TIMP2: variants seen among roughly 807,000 people sequenced by gnomAD.
TIMP2 encodes TIMP metallopeptidase inhibitor 2.
Under a neutral mutation model 24.3 loss-of-function variants are expected in TIMP2, and 5 were observed. The ratio of observed to expected loss-of-function variants is 0.21; its 90% CI spans 0.11 to 0.43. The LOEUF is 0.43. Among genes scored for constraint, TIMP2 ranks in the 20% least tolerant of loss-of-function variants. TIMP2 has a pLI of 1.00. For synonymous variants in TIMP2, 130 were observed against 123.2 expected, an observed-to-expected ratio of 1.06 and a Z score of -0.37; for missense variants, 221 against 297.5, an observed-to-expected ratio of 0.74 and a Z score of 1.89.
intron 1 of TIMP2, among the ~76,000 whole-genome samples, chr17:78,883,167 G>A (rs1251175019): frequency 1.3e-5 from 2 of 152,222 alleles, no homozygotes; most frequent in Non-Finnish European, 2.9e-5. Context: ...CAGCAACGGG[G>A]CCTTCTGGGA....
chr17:78,867,635 G>A (rs571947408), intron 3 of TIMP2, among the ~76,000 whole-genome samples: 197 of 135,158 alleles, frequency 1.5e-3, no homozygotes, highest in African/African-American at 2.1e-3. Flanking sequence ...TCACTCTGTC[G>A]CCCAGACTGG....
chr17:78,860,846 G>A (rs2069561893), intron 3 of TIMP2, among the ~76,000 whole-genome samples: 1 of 152,054 alleles, frequency 6.6e-6, no homozygotes, highest in Non-Finnish European at 1.5e-5. Flanking sequence ...GACCAACCTG[G>A]CCAACACGGT....
Position 78,892,558 on chromosome 17 carries a change from G to C in TIMP2, c.131-18639C>G, listed in dbSNP as rs558400164. On this transcript the variant is annotated intron_variant, in intron 1 of 4. Transcript: ENST00000262768. ...ACACGGGATTCTCACTGTGAGGACA[G>C]GCTGCAAAATGTGCCCCTCCAAGCT... The C allele has an allele frequency of 9.6e-6, 14 of 1,457,112 alleles. No homozygotes were observed. The South Asian group carries it at 2.0e-4, about 21-fold the overall frequency. The allele number at this position is 1,457,112 out of a possible 1,614,324, so 90.3% of individuals were successfully genotyped here.
chr17:78,862,461 C>A (rs576762670), intron 3 of TIMP2, among the ~76,000 whole-genome samples: 2 of 152,206 alleles, frequency 1.3e-5, no homozygotes, highest in Non-Finnish European at 2.9e-5. Context: ...AACAGCTTCA[C>A]CCCTGCTCCC....
intron 1 of TIMP2, among the ~76,000 whole-genome samples, chr17:78,906,978 T>G (rs1420185998): frequency 6.6e-6 from 1 of 152,228 alleles, no homozygotes; most frequent in Non-Finnish European, 1.5e-5. Context: ...ACAAAAGGCC[T>G]AGCTGTCAGC....
At position 78,870,809 on chromosome 17, in the gene TIMP2, C is replaced by G. The variant is rs893881728; in HGVS notation, c.340+89G>C. On this transcript the variant is annotated intron_variant, in intron 3 of 4. Transcript: ENST00000262768. Reference sequence around the variant, plus strand: ...CCTCAGCTACTCCGCCTCCCCACCCCCCGAGCCTGGGAAACGAGCCCTGGA... The same window carrying G: ...CCTCAGCTACTCCGCCTCCCCACCCGCCGAGCCTGGGAAACGAGCCCTGGA... 14 of 1,160,002 alleles carry G rather than the reference C, an allele frequency of 1.2e-5. No homozygotes were observed. In the East Asian group the frequency reaches 2.2e-4, roughly 19 times the overall value. 71.9% of individuals were successfully genotyped at this position (1,160,002 alleles called of 1,614,324 possible).
intron 1 of TIMP2, among the ~76,000 whole-genome samples, chr17:78,879,428 A>G (rs888373889): frequency 6.6e-6 from 1 of 152,142 alleles, no homozygotes; most frequent in East Asian, 1.9e-4. Flanking sequence ...AGACATAAGG[A>G]ATCTGGGAAG....
At chr17:78,872,491 TC>T (rs1443970678) in intron 2 of TIMP2, among the ~76,000 whole-genome samples, 1 of 151,994 alleles carries the variant, frequency 6.6e-6, no homozygotes, top group African/African-American at 2.4e-5. Context: ...GCTGTTTTTT[TC>T]CCCCCGAAGA....
rs183447598 is a variant in TIMP2 at position 78,875,168 on chromosome 17, G to A, written c.131-1249C>T. Reference sequence around the variant, plus strand: ...GCTGAGATTACAGGCGTGAGCCACTGCGCCCAGCCTGGGTGATTCTTTACA... The same window carrying A: ...GCTGAGATTACAGGCGTGAGCCACTACGCCCAGCCTGGGTGATTCTTTACA... On this transcript the variant is annotated intron_variant, in intron 1 of 4. Coordinates refer to ENST00000262768, the MANE Select transcript of TIMP2 (RefSeq NM_003255.5). Among the ~76,000 whole-genome samples, 62 of 152,300 alleles carry A rather than the reference G, an allele frequency of 4.1e-4. No individual in the cohort carries two copies. The East Asian group carries it at 9.3e-3, about 23-fold the overall frequency.
In TIMP2 at chr17:78,920,370, AT is replaced by A. The variant is rs1259916568; in HGVS notation, c.130+4588del. On this transcript the variant is annotated intron_variant, in intron 1 of 4. Coordinates refer to ENST00000262768, the MANE Select transcript of TIMP2 (RefSeq NM_003255.5). This position sits in a 1 kb window ranked among gnomAD's most constrained non-coding sequence, Gnocchi z 4.5. Reference sequence around the variant, plus strand: ...GCTCTGCACCCCCAGAAGGGTGCAAATAGGGGAGGCCCGAGAGGCTCTGAGG... The same window carrying A: ...GCTCTGCACCCCCAGAAGGGTGCAAAAGGGGAGGCCCGAGAGGCTCTGAGG... 1.3e-5 allele frequency among the ~76,000 whole-genome samples: 2 copies of A among 152,196 alleles called. No homozygotes were observed. The highest frequency in any genetic ancestry group is 3.9e-4 in the East Asian group (2 of 5,192).
intron 4 of TIMP2, chr17:78,856,148 C>G (rs947486811): frequency 2.1e-6 from 1 of 473,012 alleles, no homozygotes; most frequent in Non-Finnish European, 3.9e-6. Context: ...AGAATGGCCT[C>G]AGCTTGGCCC....
chr17:78,893,100 T>C (rs572244281), intron 1 of TIMP2, among the ~76,000 whole-genome samples: 1 of 150,372 alleles, frequency 6.7e-6, no homozygotes, highest in Admixed American at 6.6e-5. Context: ...GGGGTGTGTG[T>C]GGGTGTGTGC....
At chr17:78,881,573 G>A (rs6501257) in intron 1 of TIMP2, among the ~76,000 whole-genome samples, 120,178 of 152,314 alleles carry the variant, frequency 0.79, 47,781 homozygotes, top group Admixed American at 0.83. Context: ...GGCCGGAGCC[G>A]CAGACGTCTT....
intron 3 of TIMP2, among the ~76,000 whole-genome samples, chr17:78,870,467 TG>T (rs2069670654): frequency 6.6e-6 from 1 of 150,940 alleles, no homozygotes; most frequent in Non-Finnish European, 1.5e-5. Flanking sequence ...TTAATTAACA[TG>T]GCTACATTTT....
At position 78,920,496 on chromosome 17, in the gene TIMP2, G is replaced by A. The variant is rs1446964014; in HGVS notation, c.130+4463C>T. 6.6e-6 allele frequency among the ~76,000 whole-genome samples: 1 copy of A among 152,076 alleles called. No homozygotes were observed. The highest frequency in any genetic ancestry group is 2.4e-5 in the African/African-American group (1 of 41,404). ...CTCCAGGCTGTGCACAGCTCTCCCT[G>A]CTCTTCCAGTCCCCCTGCCTTGGGA... is the stretch of plus-strand genomic sequence containing the variant. On this transcript the variant is annotated intron_variant, in intron 1 of 4. Coordinates refer to ENST00000262768, the MANE Select transcript of TIMP2 (RefSeq NM_003255.5). The surrounding 1 kb of genome is among the most constrained non-coding windows in gnomAD (Gnocchi z 4.5).
intron 1 of TIMP2, among the ~76,000 whole-genome samples, chr17:78,913,545 G>A (rs772297500): frequency 1.3e-4 from 19 of 151,914 alleles, no homozygotes; most frequent in Non-Finnish European, 2.5e-4. Flanking sequence ...ACCTCGTCTC[G>A]ACAAAAAATG....
At position 78,891,874 on chromosome 17, in the gene TIMP2, C is replaced by G; in HGVS notation, c.131-17955G>C. 6.4e-7 allele frequency: 1 copy of G among 1,550,658 alleles called. No homozygotes were observed. Among genetic ancestry groups the G allele is most frequent in the Non-Finnish European group, 8.7e-7 (1 of 1,147,002 alleles). ...GGGCCAGGTGAGAATTCATCCGACC[C>G]GTGGCTTTTGTAGTCTGTGGTTTCT... On this transcript the variant is annotated intron_variant, in intron 1 of 4. Coordinates refer to ENST00000262768, the MANE Select transcript of TIMP2 (RefSeq NM_003255.5). The surrounding 1 kb of genome is among the most constrained non-coding windows in gnomAD (Gnocchi z 4.5).
At chr17:78,897,154 G>A (rs77111072) in intron 1 of TIMP2, 4,462 of 231,770 alleles carry the variant, frequency 0.019, 185 homozygotes, top group African/African-American at 0.091. Flanking sequence ...GGCCTGCTGT[G>A]CACTCCTGTG....
At chr17:78,867,120 G>A (rs1170829424) in intron 3 of TIMP2, among the ~76,000 whole-genome samples, 1 of 152,152 alleles carries the variant, frequency 6.6e-6, no homozygotes, top group Non-Finnish European at 1.5e-5. Context: ...AATTAGCCAG[G>A]TATGGGGGCA....
Sources: allele counts gnomAD v4.1 joint callset (sites outside exome capture counted in the v4.1 genomes callset), GRCh38; gene constraint gnomAD v4.1.1; non-coding constraint Gnocchi (gnomAD v3.1); transcripts MANE v1.5; gene names NCBI Gene and HGNC (gene_info 2026-07-23, HGNC 2026-07-21).